Variants in GPC5 observed in about 807,000 individuals in gnomAD.
GPC5 encodes glypican 5.
In GPC5, 47 loss-of-function variants were observed where a neutral mutation model predicts 53.9. The ratio of observed to expected loss-of-function variants is 0.87; its 90% CI spans 0.69 to 1.11. The LOEUF is 1.11. GPC5 is among the 50% of genes most tolerant of loss of function. The pLI, the probability that GPC5 is intolerant of heterozygous loss-of-function variation, is 0.00. For synonymous variants in GPC5, 286 were observed against 263.3 expected (o/e 1.09, Z -0.84); for missense variants, 748 against 713.1 (o/e 1.05, Z -0.56).
At chr13:92,622,039 C>T (rs1489880236) in intron 7 of GPC5, among the ~76,000 whole-genome samples, 3 of 152,166 alleles carry the variant, frequency 2.0e-5, no homozygotes, top group African/African-American at 7.2e-5. Flanking sequence ...ATTCCCCCTC[C>T]ATGTCCATTC....
chr13:92,380,201 T>C (rs910615190), intron 7 of GPC5, among the ~76,000 whole-genome samples: 2 of 152,208 alleles, frequency 1.3e-5, no homozygotes, highest in Non-Finnish European at 2.9e-5. Flanking sequence ...ATATTGGTGC[T>C]CTTTTCTCCA....
rs1011867880 is a variant in GPC5, at chr13:92,678,457, AAGG to A, written c.1562-187822_1562-187820del. On this transcript the variant is annotated intron_variant, in intron 7 of 7. Coordinates refer to ENST00000377067, the MANE Select transcript of GPC5 (RefSeq NM_004466.6). ...AAGAACATTCTCCATCAAGGACTTG[AAGG>A]AGATGAGGGAAGTCATCAAGTGGAT... 9.9e-5 allele frequency among the ~76,000 whole-genome samples: 15 copies of A among 152,182 alleles called. 1 individual carries two copies. The highest frequency in any genetic ancestry group is 9.8e-4 in the Admixed American group (15 of 15,274).
intron 7 of GPC5, among the ~76,000 whole-genome samples, chr13:92,672,678 T>C (rs1358344313): frequency 6.6e-6 from 1 of 152,166 alleles, no homozygotes; most frequent in Non-Finnish European, 1.5e-5. Flanking sequence ...GTGGTACATA[T>C]ACACCATGGA....
At chr13:92,352,190 G>A (rs1006917701) in intron 7 of GPC5, among the ~76,000 whole-genome samples, 5 of 151,822 alleles carry the variant, frequency 3.3e-5, no homozygotes, top group African/African-American at 1.2e-4. Context: ...CAGAGAAGGG[G>A]CTATTCCACA....
chr13:92,273,483 G>A (rs754762181), intron 7 of GPC5, among the ~76,000 whole-genome samples: 6 of 152,104 alleles, frequency 3.9e-5, no homozygotes, highest in Non-Finnish European at 7.4e-5. Context: ...TAAAGTGTTT[G>A]TTCTAATAAT....
chr13:91,754,965 T>C (rs1034608142), intron 4 of GPC5, among the ~76,000 whole-genome samples: 35 of 152,140 alleles, frequency 2.3e-4, no homozygotes, highest in Non-Finnish European at 4.7e-4. Flanking sequence ...CAAATACTTA[T>C]ACTAAAAACT....
intron 4 of GPC5, among the ~76,000 whole-genome samples, chr13:91,755,854 TC>T (rs1360695019): frequency 6.6e-6 from 1 of 152,018 alleles, no homozygotes; most frequent in Non-Finnish European, 1.5e-5. Flanking sequence ...ATGTTGTAAG[TC>T]TCTGACATTT....
At chr13:92,392,361 G>A (rs1875046080) in intron 7 of GPC5, among the ~76,000 whole-genome samples, 1 of 152,078 alleles carries the variant, frequency 6.6e-6, no homozygotes, top group African/African-American at 2.4e-5. Flanking sequence ...GCAGAAAGTT[G>A]GAGCTGGACC....
At chr13:92,581,496 A>T (rs1177241437) in intron 7 of GPC5, among the ~76,000 whole-genome samples, 1 of 152,132 alleles carries the variant, frequency 6.6e-6, no homozygotes, top group African/African-American at 2.4e-5. Context: ...GTGATTCCAT[A>T]TTTTAGCTCT....
At chr13:92,453,494 G>C (rs1005109111) in intron 7 of GPC5, among the ~76,000 whole-genome samples, 50 of 151,912 alleles carry the variant, frequency 3.3e-4, no homozygotes, top group African/African-American at 1.2e-3. Context: ...CCGACTCCAA[G>C]ATTAGCAAAT....
intron 7 of GPC5, among the ~76,000 whole-genome samples, chr13:92,292,439 G>T (rs111437115): frequency 6.6e-6 from 1 of 152,090 alleles, no homozygotes; most frequent in Non-Finnish European, 1.5e-5. Context: ...GTAATGTTGC[G>T]CATTTTTTCT....
intron 1 of GPC5, among the ~76,000 whole-genome samples, chr13:91,408,985 T>A (rs1337818601): frequency 6.6e-6 from 1 of 152,198 alleles, no homozygotes; most frequent in African/African-American, 2.4e-5. Flanking sequence ...GAGTGTGTCT[T>A]CATTGATTAA....
chr13:92,775,080 G>A (rs1420903810), intron 7 of GPC5, among the ~76,000 whole-genome samples: 6 of 152,138 alleles, frequency 3.9e-5, no homozygotes, highest in African/African-American at 9.7e-5. Context: ...TTTTTAATGA[G>A]TCACAGTATT....
At chr13:91,756,578 C>T (rs1428617191) in intron 5 of GPC5, 158 bp downstream of exon 5, 1 of 541,140 alleles carries the variant, frequency 1.8e-6, no homozygotes. Flanking sequence ...AAAAGAACAA[C>T]AAAACCTGAT....
At chr13:91,410,594 CCTT>C (rs1877675383) in intron 1 of GPC5, among the ~76,000 whole-genome samples, 2 of 151,820 alleles carry the variant, frequency 1.3e-5, no homozygotes, top group Admixed American at 6.6e-5. Flanking sequence ...GATCCGCCCG[CCTT>C]GGCCTCCCAA....
chr13:92,348,538 TAAG>T (rs2043447683), intron 7 of GPC5, among the ~76,000 whole-genome samples: 1 of 152,078 alleles, frequency 6.6e-6, no homozygotes, highest in Admixed American at 6.6e-5. Flanking sequence ...AGAAAATTAA[TAAG>T]AAAACATCGA....
intron 7 of GPC5, among the ~76,000 whole-genome samples, chr13:92,601,056 G>T (rs191173628): frequency 2.2e-3 from 334 of 152,168 alleles, no homozygotes; most frequent in African/African-American, 7.3e-3. Context: ...TGAAATACCT[G>T]GCTGAGAAAT....
chr13:91,419,426 T>C (rs1878454086), intron 1 of GPC5, among the ~76,000 whole-genome samples: 1 of 152,224 alleles, frequency 6.6e-6, no homozygotes, highest in Non-Finnish European at 1.5e-5. Flanking sequence ...CAACACTTTC[T>C]GCTAGGCTGA....
chr13:91,542,795 T>C (rs1392098635), intron 2 of GPC5, among the ~76,000 whole-genome samples: 1 of 151,394 alleles, frequency 6.6e-6, no homozygotes, highest in Non-Finnish European at 1.5e-5. Flanking sequence ...TCGATTCTCC[T>C]GCCTCAGCCT....
Sources: gnomAD v4.1 joint callset for allele counts (sites outside exome capture counted in the v4.1 genomes callset) on GRCh38, gnomAD v4.1.1 for gene constraint, MANE v1.5 for transcripts, NCBI Gene and HGNC (gene_info 2026-07-23, HGNC 2026-07-21) for gene names.